PPP1R9A: variants seen among roughly 807,000 people sequenced by gnomAD.
PPP1R9A encodes protein phosphatase 1 regulatory subunit 9A.
PPP1R9A carries 59 observed loss-of-function variants against 141.9 expected under a neutral mutation model. That is an observed-to-expected ratio of 0.42 (90% CI 0.34 to 0.52). The LOEUF (loss-of-function observed/expected upper bound fraction) is 0.52. Ranked by LOEUF, PPP1R9A falls within the 20% of genes least tolerant of loss-of-function variation. The pLI, the probability that PPP1R9A is intolerant of heterozygous loss-of-function variation, is 0.10. For missense variants in PPP1R9A, 1,444 were observed against 1,611.9 expected, an observed-to-expected ratio of 0.90 and a Z score of 1.78; for synonymous variants, 500 against 569.7, an observed-to-expected ratio of 0.88 and a Z score of 1.74.
intron 2 of PPP1R9A, among the ~76,000 whole-genome samples, chr7:95,022,002 G>A (rs551235965): frequency 2.0e-5 from 3 of 152,278 alleles, no homozygotes; most frequent in African/African-American, 7.2e-5. Flanking sequence ...TCCTAATTCT[G>A]TGAAGAAAGT....
chr7:95,290,504 C>T lies in PPP1R9A; in HGVS notation c.*201C>T, dbSNP rs574203927. 1 of 584,916 alleles carries T rather than the reference C, an allele frequency of 1.7e-6. No homozygotes were observed. Among genetic ancestry groups the T allele is most frequent in the Non-Finnish European group, 2.9e-6 (1 of 345,392 alleles). 36.2% of individuals were successfully genotyped at this position (584,916 alleles called of 1,614,324 possible). A position where few individuals can be genotyped will look rare whatever the true frequency, so the allele number is the denominator to read the frequency against. ...TTTTAACTACTAAAATAATCCCAAG[C>T]CACCTTTGGTTCATTAACAAACCAG... On this transcript the variant is annotated 3_prime_UTR_variant, in exon 20 of 20. Transcript: ENST00000433360.
intron 2 of PPP1R9A, among the ~76,000 whole-genome samples, chr7:94,973,577 A>G (rs1216493494): frequency 6.6e-6 from 1 of 152,200 alleles, no homozygotes; most frequent in Non-Finnish European, 1.5e-5. Flanking sequence ...ATCAGAGTAG[A>G]TAATTCATAG....
At chr7:94,966,914 G>A (rs1322823523) in intron 2 of PPP1R9A, among the ~76,000 whole-genome samples, 1 of 152,082 alleles carries the variant, frequency 6.6e-6, no homozygotes, top group Non-Finnish European at 1.5e-5. Flanking sequence ...TTGTACCTTT[G>A]GTAGCATTTG....
At chr7:95,254,409 G>C (rs1487247672) in intron 12 of PPP1R9A, among the ~76,000 whole-genome samples, 1 of 152,152 alleles carries the variant, frequency 6.6e-6, no homozygotes, top group Non-Finnish European at 1.5e-5. Context: ...AATACTAGAG[G>C]TTTAGAAAGG....
At chr7:95,241,581 C>T (rs1340460428) in intron 8 of PPP1R9A, among the ~76,000 whole-genome samples, 2 of 151,972 alleles carry the variant, frequency 1.3e-5, no homozygotes, top group Non-Finnish European at 2.9e-5. Flanking sequence ...GCGAGGCTGG[C>T]TCAGGAACTG....
At chr7:95,143,853 G>T (rs1662974414) in intron 4 of PPP1R9A, among the ~76,000 whole-genome samples, 2 of 148,662 alleles carry the variant, frequency 1.3e-5, no homozygotes, top group South Asian at 2.1e-4. Flanking sequence ...TTTTTAATTT[G>T]TTTTTTTTTC....
chr7:95,264,098 A>G (rs953580301), intron 12 of PPP1R9A, among the ~76,000 whole-genome samples: 1 of 152,214 alleles, frequency 6.6e-6, no homozygotes, highest in African/African-American at 2.4e-5. Context: ...ACTGTTTTAC[A>G]CTGCCTCTCT....
Position 95,226,106 on chromosome 7 carries a change from A to G in PPP1R9A, c.2102A>G (p.Lys701Arg). The G allele has an allele frequency of 6.2e-7, 1 of 1,612,580 alleles. No individual in the cohort carries two copies. Among genetic ancestry groups the G allele is most frequent in the Non-Finnish European group, 8.5e-7 (1 of 1,178,882 alleles). Residue 701 changes from lysine (K) to arginine (R), a missense_variant, in exon 8 of 20, where the codon AAG becomes AGG. This residue lies in a region of PPP1R9A where 488 missense variants were observed against 542.0 expected (regional missense o/e 0.90). Transcript: ENST00000433360. ...SELDTSKLSH[K>R]FKELQIKHAV... ...CTGGACACAAGCAAGCTCAGTCACA[A>G]GTTCAAAGAGGTATGCCACTAAGCT...
chr7:95,070,220 G>A (rs1260106240), intron 2 of PPP1R9A, among the ~76,000 whole-genome samples: 1 of 151,956 alleles, frequency 6.6e-6, no homozygotes, highest in Non-Finnish European at 1.5e-5. Flanking sequence ...TCCCAAGTGG[G>A]TAAACATCAT....
At chr7:95,262,241 G>T (rs1800545274) in intron 12 of PPP1R9A, among the ~76,000 whole-genome samples, 1 of 152,146 alleles carries the variant, frequency 6.6e-6, no homozygotes, top group South Asian at 2.1e-4. Context: ...CCATGACCCA[G>T]CTTATCCACA....
In PPP1R9A at chr7:95,294,325, G is replaced by A. The variant is rs1005007810; in HGVS notation, c.*4022G>A. 3.7e-5 allele frequency: 5 copies of A among 136,326 alleles called. No homozygotes were observed. The East Asian group carries it at 1.1e-3, about 29-fold the overall frequency. The allele number at this position is 136,326 out of a possible 1,614,324, so 8.4% of individuals were successfully genotyped here. ...CATCTGTCACCCAGACTGGACTGCA[G>A]TGGTGCCATCATGTCTTACTGCAGC... On this transcript the variant is annotated 3_prime_UTR_variant, in exon 20 of 20. Transcript: ENST00000433360.
intron 5 of PPP1R9A, among the ~76,000 whole-genome samples, chr7:95,193,494 G>A (rs1306906550): frequency 6.6e-6 from 1 of 151,904 alleles, no homozygotes; most frequent in Non-Finnish European, 1.5e-5. Context: ...GATTTAAAAT[G>A]CAACTTTCTT....
intron 12 of PPP1R9A, among the ~76,000 whole-genome samples, chr7:95,259,023 A>G (rs1340294880): frequency 6.6e-6 from 1 of 152,326 alleles, no homozygotes; most frequent in East Asian, 1.9e-4. Flanking sequence ...AGCTGCAGTA[A>G]AAAGTTAATT....
At chr7:95,182,338 CAAAAT>C (rs1428866935) in intron 5 of PPP1R9A, among the ~76,000 whole-genome samples, 13 of 151,694 alleles carry the variant, frequency 8.6e-5, no homozygotes, top group South Asian at 2.1e-4. Flanking sequence ...GACCCTGTCT[CAAAAT>C]AAAATAAAAT....
intron 2 of PPP1R9A, among the ~76,000 whole-genome samples, chr7:95,063,735 A>G (rs577491645): frequency 6.6e-6 from 1 of 152,362 alleles, no homozygotes; most frequent in Admixed American, 6.5e-5. Context: ...CAAAAGGGCC[A>G]AATGAATGTG....
rs1424059814 is a variant in PPP1R9A at position 95,032,988 on chromosome 7, CTCTTTAA to C, written c.1396-78269_1396-78263del. On this transcript the variant is annotated intron_variant, in intron 2 of 19. Coordinates refer to ENST00000433360, the MANE Select transcript of PPP1R9A (RefSeq NM_001166160.2). The stretch of plus-strand genomic sequence containing the variant: ...TCCTAAATAGTAGTAGTATACCTTA[CTCTTTAA>C]TTTTTAATTTTTTAATTTTTTTATT... Among the ~76,000 whole-genome samples the C allele has an allele frequency of 2.6e-5, 4 of 151,410 alleles. No individual in the cohort carries two copies. In the East Asian group the frequency reaches 7.8e-4, roughly 29 times the overall value.
At chr7:95,151,384 A>G (rs1040950258) in intron 4 of PPP1R9A, among the ~76,000 whole-genome samples, 1 of 152,242 alleles carries the variant, frequency 6.6e-6, no homozygotes, top group African/African-American at 2.4e-5. Flanking sequence ...TACATACTTT[A>G]TAATTCCTAT....
chr7:95,072,707 TAA>T (rs1215546163), intron 2 of PPP1R9A, among the ~76,000 whole-genome samples: 1 of 114,464 alleles, frequency 8.7e-6, no homozygotes, highest in Non-Finnish European at 1.7e-5. Context: ...ATATAATATA[TAA>T]TATATTATAT....
In PPP1R9A at chr7:95,257,594, C is replaced by T. The variant is rs1799776378; in HGVS notation, c.2665+5464C>T. On this transcript the variant is annotated intron_variant, in intron 12 of 19. Coordinates refer to ENST00000433360, the MANE Select transcript of PPP1R9A (RefSeq NM_001166160.2). ...GGTTTGTTACATATGTATACATGTG[C>T]CATGTTGGTGTGCTGCACCCATTAA... 2.0e-5 allele frequency among the ~76,000 whole-genome samples: 3 copies of T among 151,958 alleles called. No individual in the cohort carries two copies. In the East Asian group the frequency reaches 5.8e-4, roughly 29 times the overall value.
Sources: gnomAD v4.1 joint callset for allele counts (sites outside exome capture counted in the v4.1 genomes callset) on GRCh38, gnomAD v4.1.1 for gene constraint, gnomAD v4.1.1 regional missense constraint, MANE v1.5 for transcripts, NCBI Gene and HGNC (gene_info 2026-07-23, HGNC 2026-07-21) for gene names.